The following PAQR7 variants were observed in gnomAD, a reference collection of about 807,000 sequenced individuals.
The protein encoded by PAQR7 is progestin and adipoQ receptor family member 7.
In PAQR7, 14 loss-of-function variants were observed where a neutral mutation model predicts 24.6. The observed-to-expected ratio is 0.57, with a 90% confidence interval of 0.38 to 0.89. The LOEUF is 0.89. Ranked by LOEUF, PAQR7 falls within the 40% of genes least tolerant of loss-of-function variation. PAQR7 has a pLI of 0.00. For synonymous variants in PAQR7, 189 were observed against 198.8 expected (o/e 0.95, Z 0.42); for missense variants, 351 against 444.0 (o/e 0.79, Z 1.88).
rs1416595816 is a variant in PAQR7 at position 25,863,072 on chromosome 1, A to G, written c.768T>C (p.Ser256=). 4 of 1,614,074 alleles carry G rather than the reference A, an allele frequency of 2.5e-6. No homozygotes were observed. The South Asian group carries it at 3.3e-5, about 13-fold the overall frequency. Residue 256 remains serine, a synonymous_variant, in exon 3 of 3, where the codon TCT becomes TCC. Coordinates refer to ENST00000675840, the MANE Select transcript of PAQR7 (RefSeq NM_178422.6). This position sits in a 1 kb window ranked among gnomAD's most constrained non-coding sequence, Gnocchi z 6.1. ...VFFLLAAAFF[S]TFMPERWFPG... ...GGAACCAGCGCTCGGGCATGAAGGT[A>G]GAGAAGAAGGCAGCAGCCAGCAGAA...
rs1052599411 is a variant in PAQR7, at chr1:25,862,367, T to G, written c.*432A>C. 1 of 186,870 alleles carries G rather than the reference T, an allele frequency of 5.4e-6. No homozygotes were observed. 11.6% of individuals were successfully genotyped at this position (186,870 alleles called of 1,614,324 possible). A position where few individuals can be genotyped will look rare whatever the true frequency, so the allele number is the denominator to read the frequency against. ...CCTGTATATATTTTGGGCCTACCCC[T>G]TCCGCATCCAGCAATGAAATCTGAG... On this transcript the variant is annotated 3_prime_UTR_variant, in exon 3 of 3. Coordinates refer to ENST00000675840, the MANE Select transcript of PAQR7 (RefSeq NM_178422.6).
intron 2 of PAQR7, among the ~76,000 whole-genome samples, chr1:25,865,138 C>T (rs1251162856): frequency 7.4e-5 from 10 of 135,786 alleles, no homozygotes; most frequent in Admixed American, 1.5e-4. Context: ...CAGCGAGACT[C>T]CGTCTCAAAA....
At chr1:25,864,425 T>C (rs1012098119) in intron 2 of PAQR7, among the ~76,000 whole-genome samples, 2 of 152,150 alleles carry the variant, frequency 1.3e-5, no homozygotes, top group Non-Finnish European at 2.9e-5. Flanking sequence ...ACAACCACAG[T>C]GCACTTCAAA....
intron 2 of PAQR7, among the ~76,000 whole-genome samples, chr1:25,865,123 G>A (rs761150401): frequency 2.0e-4 from 30 of 150,098 alleles, no homozygotes; most frequent in Admixed American, 6.0e-4. Flanking sequence ...CTCCAGCCTG[G>A]GTGACAGCGA....
rs766323452 is a variant in PAQR7 at position 25,863,271 on chromosome 1, C to T, written c.569G>A (p.Cys190Tyr). 6 of 1,614,126 alleles carry T rather than the reference C, an allele frequency of 3.7e-6. 1 individual carries two copies. The South Asian group carries it at 5.5e-5, about 15-fold the overall frequency. Residue 190 changes from cysteine to tyrosine, a missense_variant, in exon 3 of 3, where the codon TGC becomes TAC. Cys to Tyr is a radical substitution (Grantham distance 194). Coordinates refer to ENST00000675840, the MANE Select transcript of PAQR7 (RefSeq NM_178422.6). The surrounding 1 kb of genome is among the most constrained non-coding windows in gnomAD (Gnocchi z 6.1). Reference protein sequence around the residue: ...FLAWLSCIGSCYNKYIQKPGL... With the variant: ...FLAWLSCIGSYYNKYIQKPGL... ...TGGTTTCTGGATGTACTTGTTATAG[C>T]AGGAGCCAATGCAGGAAAGCCAGGC...
At chr1:25,869,632 G>A (rs2048587973) in intron 2 of PAQR7, among the ~76,000 whole-genome samples, 1 of 152,100 alleles carries the variant, frequency 6.6e-6, no homozygotes, top group South Asian at 2.1e-4. Context: ...TTGGAGGATG[G>A]GGGAGGGAGG....
chr1:25,870,480 C>T (rs2048594948), intron 2 of PAQR7, 129 bp downstream of exon 2: 1 of 152,216 alleles, frequency 6.6e-6, no homozygotes, highest in African/African-American at 2.4e-5. Context: ...TCACCACTCC[C>T]ATAGTGGTGA....
chr1:25,863,773 G>A lies in PAQR7; in HGVS notation c.67C>T (p.Leu23=). 1 of 1,613,728 alleles carries A rather than the reference G, an allele frequency of 6.2e-7. No homozygotes were observed. The highest frequency in any genetic ancestry group is 8.5e-7 in the Non-Finnish European group (1 of 1,180,014). ...AAGACAGGCTCTGGCTGCAGAGATAGCTGAGGCTCCTGGATGACCTGCCGC... is the reference window on the plus strand; with the variant it reads ...AAGACAGGCTCTGGCTGCAGAGATAACTGAGGCTCCTGGATGACCTGCCGC... ...SLRQVIQEPQ[L]SLQPEPVFTV... is the part of the protein sequence containing the mutation. Residue 23 remains leucine, a synonymous_variant, in exon 3 of 3, where the codon CTA becomes TTA. Coordinates refer to ENST00000675840, the MANE Select transcript of PAQR7 (RefSeq NM_178422.6). The surrounding 1 kb of genome is among the most constrained non-coding windows in gnomAD (Gnocchi z 6.1).
intron 1 of PAQR7, among the ~76,000 whole-genome samples, chr1:25,874,673 G>A (rs213624): frequency 0.51 from 78,277 of 152,060 alleles, 20,631 homozygotes; most frequent in South Asian, 0.74. Context: ...CGAATCCATC[G>A]AACTGTTCAG....
chr1:25,865,079 C>G (rs1456118118), intron 2 of PAQR7, among the ~76,000 whole-genome samples: 1 of 151,046 alleles, frequency 6.6e-6, no homozygotes, highest in Non-Finnish European at 1.5e-5. Flanking sequence ...TGGCGTGAAC[C>G]CAGGGGGCGG....
chr1:25,865,168 C>CAA (rs779078912), intron 2 of PAQR7, among the ~76,000 whole-genome samples: 34 of 17,230 alleles, frequency 2.0e-3, no homozygotes, highest in African/African-American at 3.0e-3. Flanking sequence ...AAACCACAAA[C>CAA]AAAAAAACAT....
chr1:25,863,703 T>C lies in PAQR7; in HGVS notation c.137A>G (p.Tyr46Cys). 3.1e-6 allele frequency: 5 copies of C among 1,614,148 alleles called. No individual in the cohort carries two copies. The highest frequency in any genetic ancestry group is 4.2e-6 in the Non-Finnish European group (5 of 1,180,036). ...CAGCGGCCGGTAGCCCGCATAGATG[T>C]ACGGCTTCCAGAAGAGCGGCGGCAC... Reference protein sequence around the residue: ...AEVPPLFWKPYIYAGYRPLHQ... With the variant: ...AEVPPLFWKPCIYAGYRPLHQ... The change falls in exon 3 of 3, where the codon TAC (tyrosine) becomes TGC (cysteine). Residue 46 changes from tyrosine (Y) to cysteine (C), a missense_variant. Physicochemically the swap from Tyr to Cys is radical, Grantham distance 194. Coordinates refer to ENST00000675840, the MANE Select transcript of PAQR7 (RefSeq NM_178422.6). The surrounding 1 kb of genome is among the most constrained non-coding windows in gnomAD (Gnocchi z 6.1).
chr1:25,863,296 C>T lies in PAQR7; in HGVS notation c.544G>A (p.Ala182Thr), dbSNP rs529741953. Reference protein sequence around the residue: ...AVFLPMAAFLAWLSCIGSCYN... With the variant: ...AVFLPMAAFLTWLSCIGSCYN... ...CAGGAGCCAATGCAGGAAAGCCAGGCGAGAAAGGCAGCCATGGGCAGAAAA... is the reference window on the plus strand; with the variant it reads ...CAGGAGCCAATGCAGGAAAGCCAGGTGAGAAAGGCAGCCATGGGCAGAAAA... Residue 182 changes from alanine to threonine, a missense_variant, in exon 3 of 3, where the codon GCC (alanine) becomes ACC (threonine). By Grantham distance (58) the Ala-to-Thr change is moderately conservative. Coordinates refer to ENST00000675840, the MANE Select transcript of PAQR7 (RefSeq NM_178422.6). This position sits in a 1 kb window ranked among gnomAD's most constrained non-coding sequence, Gnocchi z 6.1. The T allele has an allele frequency of 9.9e-6, 16 of 1,614,090 alleles. No individual in the cohort carries two copies. In the Middle Eastern group the frequency reaches 4.9e-4, roughly 50 times the overall value.
chr1:25,862,752 C>G lies in PAQR7; in HGVS notation c.*47G>C. ...TTCCCACCTGGAGCCAAACCCAGAC[C>G]CCTGTCCCCCAACTATACCTCCCTC... On this transcript the variant is annotated 3_prime_UTR_variant, in exon 3 of 3. Coordinates refer to ENST00000675840, the MANE Select transcript of PAQR7 (RefSeq NM_178422.6). The G allele has an allele frequency of 6.4e-7, 1 of 1,558,756 alleles. No homozygotes were observed. Among genetic ancestry groups the G allele is most frequent in the Non-Finnish European group, 8.7e-7 (1 of 1,144,760 alleles).
chr1:25,864,349 G>C (rs72879472), intron 2 of PAQR7, among the ~76,000 whole-genome samples: 1 of 152,016 alleles, frequency 6.6e-6, no homozygotes, highest in Non-Finnish European at 1.5e-5. Flanking sequence ...GAGTGGCCAG[G>C]GTCCCCTACT....
Position 25,863,528 on chromosome 1 carries a change from G to A in PAQR7, c.312C>T (p.Ala104=), listed in dbSNP as rs143463212. The change falls in exon 3 of 3, where the codon GCC becomes GCT. Residue 104 remains alanine, a synonymous_variant. Transcript: ENST00000675840. The surrounding 1 kb of genome is among the most constrained non-coding windows in gnomAD (Gnocchi z 6.1). ...ETVDFWGDPH[A]LPLFIIVLAS... ...CAAGGACAATGATGAAGAGGGGCAGGGCGTGTGGGTCTCCCCAGAAGTCCA... is the reference window on the plus strand; with the variant it reads ...CAAGGACAATGATGAAGAGGGGCAGAGCGTGTGGGTCTCCCCAGAAGTCCA... The A allele has an allele frequency of 2.4e-5, 39 of 1,614,098 alleles. No homozygotes were observed. In the African/African-American group the frequency reaches 4.1e-4, roughly 17 times the overall value.
At chr1:25,872,688 A>C (rs1386224538) in intron 1 of PAQR7, among the ~76,000 whole-genome samples, 1 of 151,794 alleles carries the variant, frequency 6.6e-6, no homozygotes, top group Non-Finnish European at 1.5e-5. Context: ...TTTTTAAATT[A>C]TGTGTAGAGA....
chr1:25,869,753 C>T (rs900519533), intron 2 of PAQR7, among the ~76,000 whole-genome samples: 4 of 152,162 alleles, frequency 2.6e-5, no homozygotes, highest in African/African-American at 9.7e-5. Context: ...CTAAAGCAGG[C>T]AACCAGGCTC....
chr1:25,863,904 A>AC lies in PAQR7; in HGVS notation c.-22-44dup. 11 of 1,478,936 alleles carry AC rather than the reference A, an allele frequency of 7.4e-6. No homozygotes were observed. The highest frequency in any genetic ancestry group is 1.0e-5 in the Non-Finnish European group (11 of 1,101,414). The allele number at this position is 1,478,936 out of a possible 1,614,324, so 91.6% of individuals were successfully genotyped here. On this transcript the variant is annotated intron_variant, in intron 2 of 2. Coordinates refer to ENST00000675840, the MANE Select transcript of PAQR7 (RefSeq NM_178422.6). The surrounding 1 kb of genome is among the most constrained non-coding windows in gnomAD (Gnocchi z 6.1). ...GCAAAGTCAGGGGCCTGGTGTCCTC[A>AC]CCCCCACGAGCAGCAGCTGGGGGGC... is the stretch of plus-strand genomic sequence containing the variant.
Sources: allele counts gnomAD v4.1 joint callset (sites outside exome capture counted in the v4.1 genomes callset), GRCh38; gene constraint gnomAD v4.1.1; non-coding constraint Gnocchi (gnomAD v3.1); transcripts MANE v1.5; gene names NCBI Gene and HGNC (gene_info 2026-07-23, HGNC 2026-07-21).